The following GPD2 variants were observed in gnomAD, a reference collection of about 807,000 sequenced individuals.
The protein encoded by GPD2 is glycerol-3-phosphate dehydrogenase 2, also known as glycerol-3-phosphate dehydrogenase, mitochondrial.
A neutral mutation model predicts 82.4 loss-of-function variants in GPD2; 54 were observed. That is an observed-to-expected ratio of 0.66 (90% CI 0.53 to 0.82). The LOEUF is 0.82. GPD2 is among the 40% of genes least tolerant of loss of function. The pLI, the probability that GPD2 is intolerant of heterozygous loss-of-function variation, is 0.00. For missense variants in GPD2, 748 were observed against 896.2 expected, an observed-to-expected ratio of 0.83 and a Z score of 2.11; for synonymous variants, 288 against 306.1, an observed-to-expected ratio of 0.94 and a Z score of 0.62.
At chr2:156,413,667 G>A in the GPD2 span, among the ~76,000 whole-genome samples, 1 of 152,180 alleles carries the variant, frequency 6.6e-6, no homozygotes, top group African/African-American at 2.4e-5. Context: ...CACTTTGGGA[G>A]GCAGAGGTGG....
At chr2:156,556,344 G>A (rs1686961656) in intron 8 of GPD2, among the ~76,000 whole-genome samples, 1 of 152,124 alleles carries the variant, frequency 6.6e-6, no homozygotes, top group Non-Finnish European at 1.5e-5. Context: ...TCAAATAGAA[G>A]CAGCTATCTG....
At chr2:156,474,567 G>A (rs563311296) in intron 1 of GPD2, among the ~76,000 whole-genome samples, 93 of 152,178 alleles carry the variant, frequency 6.1e-4, no homozygotes, top group Non-Finnish European at 1.1e-3. Context: ...GTCTTAGGCA[G>A]GTCAAATTAC....
the GPD2 span, among the ~76,000 whole-genome samples, chr2:156,424,202 GAA>G: frequency 1.3e-4 from 19 of 147,582 alleles, no homozygotes; most frequent in Admixed American, 4.7e-4. Flanking sequence ...ATTAAATAAG[GAA>G]AAAAAAAAAA....
chr2:156,443,581 T>C (rs1284593200), intron 1 of GPD2, among the ~76,000 whole-genome samples: 1 of 152,234 alleles, frequency 6.6e-6, no homozygotes, highest in Admixed American at 6.5e-5. Context: ...TTGGCAGTTT[T>C]AATCTTTTTA....
At chr2:156,482,642 A>G (rs990475830) in intron 2 of GPD2, among the ~76,000 whole-genome samples, 14 of 152,172 alleles carry the variant, frequency 9.2e-5, no homozygotes, top group African/African-American at 3.4e-4. Flanking sequence ...CTTCTTTCCC[A>G]AAGTCAGTGA....
chr2:156,499,206 G>A (rs1684498474), intron 3 of GPD2, among the ~76,000 whole-genome samples: 1 of 152,050 alleles, frequency 6.6e-6, no homozygotes, highest in Non-Finnish European at 1.5e-5. Flanking sequence ...AGGAAAATAG[G>A]GGTTTCTTTG....
rs1558898794 is a variant in GPD2 at position 156,439,530 on chromosome 2, AAAAAAAAAAC to A, written c.-9+3027_-9+3036del. ...CTGTCTCAGAAAAAAAAAAAAAAAA[AAAAAAAAAAC>A]AAAAAAAAAAAAACAAGCCAGGCAG... On this transcript the variant is annotated intron_variant, in intron 1 of 16. Coordinates refer to ENST00000438166, the MANE Select transcript of GPD2 (RefSeq NM_000408.5). Among the ~76,000 whole-genome samples the A allele has an allele frequency of 1.4e-4, 16 of 112,720 alleles. 1 individual carries two copies. The highest frequency in any genetic ancestry group is 4.8e-4 in the Admixed American group (5 of 10,392). The allele number at this position is 112,720 out of a possible 152,430, so 73.9% of individuals were successfully genotyped here.
intron 2 of GPD2, among the ~76,000 whole-genome samples, chr2:156,479,596 A>T (rs569183752): frequency 3.9e-5 from 6 of 152,142 alleles, no homozygotes; most frequent in African/African-American, 1.4e-4. Context: ...GGAGAGGGCA[A>T]TTATTATTAT....
intron 13 of GPD2, among the ~76,000 whole-genome samples, chr2:156,577,408 G>A (rs907310977): frequency 6.6e-6 from 1 of 152,036 alleles, no homozygotes; most frequent in African/African-American, 2.4e-5. Flanking sequence ...GGAGGATTGA[G>A]CCTGCATGGT....
At chr2:156,581,932 C>A (rs1408090307) in intron 16 of GPD2, among the ~76,000 whole-genome samples, 1 of 151,568 alleles carries the variant, frequency 6.6e-6, no homozygotes, top group East Asian at 1.9e-4. Flanking sequence ...TACATAGATA[C>A]ATCATATATA....
At chr2:156,569,086 C>T in intron 10 of GPD2, 127 bp downstream of exon 10, 3 of 812,552 alleles carry the variant, frequency 3.7e-6, no homozygotes, top group Non-Finnish European at 6.1e-6. Flanking sequence ...ACCTCAGCCT[C>T]CCAAAGTGTT....
Position 156,537,092 on chromosome 2 carries a change from T to C in GPD2, c.662-12516T>C, listed in dbSNP as rs530774842. On this transcript the variant is annotated intron_variant, in intron 6 of 16. Coordinates refer to ENST00000438166, the MANE Select transcript of GPD2 (RefSeq NM_000408.5). ...GGCAGGAACTCTTCTGTTTGACGTC[T>C]ACAGTGGGAGAGACTGCACACCTGT... Among the ~76,000 whole-genome samples, 17 of 152,316 alleles carry C rather than the reference T, an allele frequency of 1.1e-4. No homozygotes were observed. In the South Asian group the frequency reaches 3.5e-3, roughly 32 times the overall value.
chr2:156,462,453 A>ATTTTTTTTTTTTTTTTTT (rs35159143), intron 1 of GPD2, among the ~76,000 whole-genome samples: 1 of 118,184 alleles, frequency 8.5e-6, no homozygotes, highest in Non-Finnish European at 1.7e-5. Context: ...ACCCGGATAC[A>ATTTTTTTTTTTTTTTTTT]TTTTTTTTTT....
At chr2:156,465,044 C>A (rs1355849545) in intron 1 of GPD2, among the ~76,000 whole-genome samples, 4 of 151,946 alleles carry the variant, frequency 2.6e-5, no homozygotes, top group Non-Finnish European at 5.9e-5. Context: ...AGAGATGGGG[C>A]TTCACCATGT....
chr2:156,552,431 G>A (rs892994005), intron 8 of GPD2, among the ~76,000 whole-genome samples: 5 of 152,092 alleles, frequency 3.3e-5, no homozygotes, highest in African/African-American at 4.8e-5. Flanking sequence ...AATTGTATAC[G>A]CTTTTGTGTT....
At chr2:156,426,329 A>G in the GPD2 span, among the ~76,000 whole-genome samples, 3 of 152,228 alleles carry the variant, frequency 2.0e-5, no homozygotes, top group Non-Finnish European at 4.4e-5. Context: ...AAGGGGAAGC[A>G]AGACACCTTC....
intron 3 of GPD2, among the ~76,000 whole-genome samples, chr2:156,499,175 T>C (rs1684497143): frequency 1.3e-5 from 2 of 152,160 alleles, no homozygotes; most frequent in African/African-American, 4.8e-5. Context: ...GAGTAAGGGA[T>C]GTCATTGCAG....
At chr2:156,507,531 C>T (rs1354579330) in intron 3 of GPD2, among the ~76,000 whole-genome samples, 2 of 152,032 alleles carry the variant, frequency 1.3e-5, no homozygotes, top group Non-Finnish European at 2.9e-5. Flanking sequence ...GTCATGATGT[C>T]TAGGCTGGTC....
In GPD2 at chr2:156,469,114, A is replaced by G. The variant is rs190966328; in HGVS notation, c.-8-6984A>G. Reference sequence around the variant, plus strand: ...CTGTGCCTTATTTATTTCACTTAACATGATGTCCTCCAGTTTTACCCGTGT... The same window carrying G: ...CTGTGCCTTATTTATTTCACTTAACGTGATGTCCTCCAGTTTTACCCGTGT... On this transcript the variant is annotated intron_variant, in intron 1 of 16. Coordinates refer to ENST00000438166, the MANE Select transcript of GPD2 (RefSeq NM_000408.5). Among the ~76,000 whole-genome samples, 131 of 152,288 alleles carry G rather than the reference A, an allele frequency of 8.6e-4. 1 individual carries two copies. Among genetic ancestry groups the G allele is most frequent in the Non-Finnish European group, 1.5e-3 (101 of 68,020 alleles).
Sources: gnomAD v4.1 joint callset for allele counts (sites outside exome capture counted in the v4.1 genomes callset) on GRCh38, gnomAD v4.1.1 for gene constraint, MANE v1.5 for transcripts, NCBI Gene and HGNC (gene_info 2026-07-23, HGNC 2026-07-21) for gene names.